The following MARCHF1 variants were observed in gnomAD, a reference collection of about 807,000 sequenced individuals.
The protein encoded by MARCHF1 is membrane associated ring-CH-type finger 1.
A neutral mutation model predicts 54.2 loss-of-function variants in MARCHF1; 40 were observed. The observed-to-expected ratio is 0.74, with a 90% CI of 0.57 to 0.96. The LOEUF is 0.96. MARCHF1 is among the 40% of genes least tolerant of loss of function. The pLI, the probability that MARCHF1 is intolerant of heterozygous loss-of-function variation, is 0.00. For missense variants in MARCHF1, 586 were observed against 656.5 expected, an observed-to-expected ratio of 0.89 and a Z score of 1.17; for synonymous variants, 236 against 236.3, an observed-to-expected ratio of 1.00 and a Z score of 0.01.
At chr4:163,718,548 G>C (rs1455161062) in intron 4 of MARCHF1, among the ~76,000 whole-genome samples, 1 of 152,164 alleles carries the variant, frequency 6.6e-6, no homozygotes. Flanking sequence ...AATCTATTCT[G>C]ATGTAGAAAG....
chr4:164,206,767 G>A (rs1028251242), intron 1 of MARCHF1, among the ~76,000 whole-genome samples: 2 of 151,980 alleles, frequency 1.3e-5, no homozygotes, highest in Non-Finnish European at 2.9e-5. Context: ...TCACTCCTTT[G>A]AAGATTCCTT....
At chr4:164,064,734 AG>A (rs1754691193) in intron 2 of MARCHF1, among the ~76,000 whole-genome samples, 1 of 152,136 alleles carries the variant, frequency 6.6e-6, no homozygotes, top group Admixed American at 6.6e-5. Context: ...CTGATTTTCA[AG>A]GGGAATGCTT....
At chr4:163,779,766 T>C (rs546098183) in intron 4 of MARCHF1, among the ~76,000 whole-genome samples, 1 of 152,044 alleles carries the variant, frequency 6.6e-6, no homozygotes, top group African/African-American at 2.4e-5. Flanking sequence ...AATGGAGAGA[T>C]TCGTTTTCTA....
intron 4 of MARCHF1, among the ~76,000 whole-genome samples, chr4:163,767,441 C>A (rs1423672147): frequency 6.6e-6 from 1 of 151,874 alleles, no homozygotes; most frequent in Non-Finnish European, 1.5e-5. Context: ...TCACGCCATT[C>A]TCCTGCCTCA....
intron 1 of MARCHF1, among the ~76,000 whole-genome samples, chr4:164,277,296 A>G (rs1282987497): frequency 5.9e-5 from 9 of 152,176 alleles, no homozygotes; most frequent in Non-Finnish European, 1.3e-4. Flanking sequence ...TGGGCATGTA[A>G]TGAATATTTG....
At position 164,351,446 on chromosome 4, in the gene MARCHF1, C is replaced by A. The variant is rs932065856; in HGVS notation, c.-323+32424G>T. On this transcript the variant is annotated intron_variant, in intron 1 of 9. Transcript: ENST00000514618. ...GGGCAGACTGCCTCCTCAAGTGGGT[C>A]CCTGACCCCTGACCCCCGAGCAGCC... is the stretch of plus-strand genomic sequence containing the variant. Among the ~76,000 whole-genome samples the A allele has an allele frequency of 4.0e-5, 6 of 150,736 alleles. No individual in the cohort carries two copies. In the South Asian group the frequency reaches 8.4e-4, roughly 21 times the overall value.
chr4:164,133,259 G>A (rs937331199), intron 1 of MARCHF1, among the ~76,000 whole-genome samples: 6 of 152,198 alleles, frequency 3.9e-5, no homozygotes, highest in Non-Finnish European at 7.3e-5. Context: ...AAAACCTGTG[G>A]TTGCCCAGCT....
intron 1 of MARCHF1, among the ~76,000 whole-genome samples, chr4:164,324,702 T>C (rs1735227940): frequency 6.6e-6 from 1 of 151,162 alleles, no homozygotes; most frequent in Non-Finnish European, 1.5e-5. Flanking sequence ...GAAAAGAAAA[T>C]AACAAAAGGT....
chr4:163,593,877 C>A (rs1478321980), intron 7 of MARCHF1, among the ~76,000 whole-genome samples: 1 of 152,166 alleles, frequency 6.6e-6, no homozygotes, highest in Non-Finnish European at 1.5e-5. Flanking sequence ...TTTATTCACT[C>A]ATTCATTCAT....
chr4:164,090,852 T>C (rs766937158), intron 2 of MARCHF1, among the ~76,000 whole-genome samples: 2 of 152,072 alleles, frequency 1.3e-5, no homozygotes, highest in Non-Finnish European at 2.9e-5. Context: ...ATAACTGCAT[T>C]TGAACACCAG....
chr4:163,654,318 G>T (rs1743066647), intron 5 of MARCHF1, among the ~76,000 whole-genome samples: 1 of 151,534 alleles, frequency 6.6e-6, no homozygotes, highest in Non-Finnish European at 1.5e-5. Context: ...ATTAAAAAGT[G>T]CAAGAAAAAA....
intron 3 of MARCHF1, among the ~76,000 whole-genome samples, chr4:163,965,468 A>G (rs997815874): frequency 3.3e-5 from 5 of 152,110 alleles, no homozygotes; most frequent in African/African-American, 1.2e-4. Flanking sequence ...AAGTGTACCA[A>G]TGGATTTCAA....
chr4:164,044,362 TATC>T (rs1308458825), intron 2 of MARCHF1, among the ~76,000 whole-genome samples: 9 of 152,050 alleles, frequency 5.9e-5, no homozygotes, highest in African/African-American at 2.2e-4. Flanking sequence ...AACGGGAAGA[TATC>T]ATGTCCTCAC....
At chr4:163,777,029 T>C (rs994523392) in intron 4 of MARCHF1, among the ~76,000 whole-genome samples, 1 of 152,172 alleles carries the variant, frequency 6.6e-6, no homozygotes, top group Non-Finnish European at 1.5e-5. Flanking sequence ...AATTTGTAAT[T>C]CATATTTAAA....
At chr4:164,359,213 G>A (rs1213212483) in intron 1 of MARCHF1, among the ~76,000 whole-genome samples, 1 of 152,182 alleles carries the variant, frequency 6.6e-6, no homozygotes, top group Non-Finnish European at 1.5e-5. Flanking sequence ...CTCCAGTGAT[G>A]TGTGTCATTG....
At chr4:163,632,067 T>C (rs1357154253) in intron 5 of MARCHF1, among the ~76,000 whole-genome samples, 1 of 152,100 alleles carries the variant, frequency 6.6e-6, no homozygotes, top group Non-Finnish European at 1.5e-5. Flanking sequence ...ATGGCTACTA[T>C]AAAGAAAACA....
At chr4:163,607,065 G>A (rs924043038) in intron 7 of MARCHF1, among the ~76,000 whole-genome samples, 1 of 152,050 alleles carries the variant, frequency 6.6e-6, no homozygotes, top group South Asian at 2.1e-4. Context: ...GCAGTTGGAG[G>A]AAATGACTCC....
chr4:163,977,585 T>C (rs998159222), intron 3 of MARCHF1, among the ~76,000 whole-genome samples: 1 of 152,092 alleles, frequency 6.6e-6, no homozygotes, highest in Non-Finnish European at 1.5e-5. Flanking sequence ...TTTCCAAAGA[T>C]TATCAAAACA....
chr4:164,383,464 T>A (rs920249653), intron 1 of MARCHF1: 5 of 152,316 alleles, frequency 3.3e-5, no homozygotes, highest in African/African-American at 1.2e-4. Flanking sequence ...GTGGCTGTCA[T>A]CGACTCCGCG....
Sources: allele counts gnomAD v4.1 joint callset (sites outside exome capture counted in the v4.1 genomes callset), GRCh38; gene constraint gnomAD v4.1.1; transcripts MANE v1.5; gene names NCBI Gene and HGNC (gene_info 2026-07-23, HGNC 2026-07-21).